The following CASZ1 variants were observed in gnomAD, a reference collection of about 807,000 sequenced individuals.
The protein encoded by CASZ1 is castor zinc finger 1, also known as zinc finger protein castor homolog 1.
A neutral mutation model predicts 135.2 loss-of-function variants in CASZ1; 28 were observed. That is an observed-to-expected ratio of 0.21 (90% confidence interval 0.15 to 0.28). The LOEUF is 0.28. Ranked by LOEUF, CASZ1 falls within the 10% of genes least tolerant of loss-of-function variation. The probability of loss-of-function intolerance (pLI) is 1.00; values close to 1 mark genes in which losing one functional copy is unlikely to be tolerated. For missense variants in CASZ1, 2,161 were observed against 2,453.3 expected (o/e 0.88, Z 2.52); for synonymous variants, 1,068 against 1,073.4 (o/e 0.99, Z 0.10).
chr1:10,729,069 C>T lies in CASZ1; in HGVS notation c.-76-23525G>A, dbSNP rs576588187. 2.7e-3 allele frequency among the ~76,000 whole-genome samples: 265 copies of T among 99,270 alleles called. 1 individual carries two copies. The Middle Eastern group carries it at 0.028, about 10-fold the overall frequency. 65.1% of individuals were successfully genotyped at this position (99,270 alleles called of 152,430 possible). A position where few individuals can be genotyped will look rare whatever the true frequency, so the allele number is the denominator to read the frequency against. On this transcript the variant is annotated intron_variant, in intron 2 of 20. Transcript: ENST00000377022. ...GGACAGGCTGCCATGCTGGGGGAGG[C>T]GGTTGGGAGGCAGCTGGGGGAAGGG...
In CASZ1 at chr1:10,649,358, G is replaced by A. The variant is rs759141198; in HGVS notation, c.2960C>T (p.Ser987Leu). 2.1e-5 allele frequency: 34 copies of A among 1,603,630 alleles called. No homozygotes were observed. Among genetic ancestry groups the A allele is most frequent in the Non-Finnish European group, 2.2e-5 (26 of 1,175,620 alleles). ...CTTCACGGCCTTGCCTAGGAAGGGC[G>A]AGGGCTCCGCAGCGGGGCTCCCCTC... ...EAEGSPAAEP[S>L]PFLGKAVKAL... Residue 987 changes from serine to leucine, a missense_variant, in exon 14 of 21, where the codon TCG becomes TTG. Physicochemically the swap from Ser to Leu is moderately radical, Grantham distance 145 (BLOSUM62 -2). Coordinates refer to ENST00000377022, the MANE Select transcript of CASZ1 (RefSeq NM_001079843.3).
rs74052160 is a variant in CASZ1, at chr1:10,659,592, G to C, written c.1340+110C>G. 4,868 of 812,540 alleles carry C rather than the reference G, an allele frequency of 6.0e-3. 155 individuals are homozygous for C. The African/African-American group carries it at 0.072, about 12-fold the overall frequency. 50.3% of individuals were successfully genotyped at this position (812,540 alleles called of 1,614,324 possible). ...CTGGATGCACAGTGGATGTGTATAA[G>C]GTGTGAGCGGCAGGTGTGTCCTCAA... On this transcript the variant is annotated intron_variant, in intron 6 of 20. Transcript: ENST00000377022.
At chr1:10,782,826 T>C (rs537321490) in intron 1 of CASZ1, among the ~76,000 whole-genome samples, 17 of 152,256 alleles carry the variant, frequency 1.1e-4, no homozygotes, top group Admixed American at 3.9e-4. Context: ...CTGCTGATAG[T>C]GTGTGATACG....
At chr1:10,656,517 GC>G in intron 8 of CASZ1, 128 bp downstream of exon 8, 1 of 694,364 alleles carries the variant, frequency 1.4e-6, no homozygotes, top group South Asian at 1.7e-5. Context: ...CCCTCTACCT[GC>G]TCAAGTCAAG....
At chr1:10,686,308 C>A (rs546867541) in intron 4 of CASZ1, among the ~76,000 whole-genome samples, 103 of 152,360 alleles carry the variant, frequency 6.8e-4, no homozygotes, top group Non-Finnish European at 1.2e-3. Flanking sequence ...AAAAAAAATT[C>A]TAGAGCTCAA....
chr1:10,755,362 T>A lies in CASZ1; in HGVS notation c.-77+5339A>T, dbSNP rs1338627454. On this transcript the variant is annotated intron_variant, in intron 2 of 20. Transcript: ENST00000377022. The surrounding 1 kb of genome is among the most constrained non-coding windows in gnomAD (Gnocchi z 4.3). Reference sequence around the variant, plus strand: ...CAGTCAGGACTCCGGGACTCCTCCATGTGTGAGACCTGACGTCGCCTCTCC... The same window carrying A: ...CAGTCAGGACTCCGGGACTCCTCCAAGTGTGAGACCTGACGTCGCCTCTCC... Among the ~76,000 whole-genome samples the A allele has an allele frequency of 1.3e-5, 2 of 152,170 alleles. No homozygotes were observed. Among genetic ancestry groups the A allele is most frequent in the Non-Finnish European group, 2.9e-5 (2 of 68,014 alleles).
intron 1 of CASZ1, among the ~76,000 whole-genome samples, chr1:10,789,265 C>T (rs1640911878): frequency 6.6e-6 from 1 of 151,488 alleles, no homozygotes; most frequent in East Asian, 2.0e-4. Flanking sequence ...CAACCCATCC[C>T]ACCTGGGACA....
chr1:10,640,210 T>G, intron 20 of CASZ1, 151 bp from the exon 21 acceptor site: 2 of 1,111,376 alleles, frequency 1.8e-6, no homozygotes, highest in Non-Finnish European at 2.5e-6. Flanking sequence ...AGGCCTCTCC[T>G]GCCCCGCCCC....
chr1:10,772,959 G>A (rs1486722229), intron 1 of CASZ1, among the ~76,000 whole-genome samples: 1 of 152,118 alleles, frequency 6.6e-6, no homozygotes, highest in Non-Finnish European at 1.5e-5. Context: ...GGAGGATGGG[G>A]GCTCCCGAAG....
rs1642114924 is a variant in CASZ1, at chr1:10,639,307, G to A, written c.4915C>T (p.Leu1639=). 2 of 1,413,692 alleles carry A rather than the reference G, an allele frequency of 1.4e-6. No homozygotes were observed. The highest frequency in any genetic ancestry group is 1.8e-6 in the Non-Finnish European group (2 of 1,091,800). The allele number at this position is 1,413,692 out of a possible 1,614,324, so 87.6% of individuals were successfully genotyped here. Reference sequence around the variant, plus strand: ...CCCGCGTCGCCCAGCGCCAGGCCCAGGCCGGCGGCCGCCGACTGCAGGAAG... The same window carrying A: ...CCCGCGTCGCCCAGCGCCAGGCCCAAGCCGGCGGCCGCCGACTGCAGGAAG... The part of the protein sequence containing the change: ...LLFLQSAAAG[L]GLALGDAGDP... Residue 1639 remains leucine, a synonymous_variant, in exon 21 of 21, where the codon CTG becomes TTG. Coordinates refer to ENST00000377022, the MANE Select transcript of CASZ1 (RefSeq NM_001079843.3). This position sits in a 1 kb window ranked among gnomAD's most constrained non-coding sequence, Gnocchi z 4.0.
Position 10,717,908 on chromosome 1 carries a change from C to A in CASZ1, c.-76-12364G>T, listed in dbSNP as rs1386604394. Among the ~76,000 whole-genome samples, 1 of 152,266 alleles carries A rather than the reference C, an allele frequency of 6.6e-6. No homozygotes were observed. The highest frequency in any genetic ancestry group is 1.9e-4 in the East Asian group (1 of 5,200). ...CGGGCAGGCTGGTGGGCCTTTAAGG[C>A]TGTGCAGCCGCTGCGAGCACGCCTG... On this transcript the variant is annotated intron_variant, in intron 2 of 20. Transcript: ENST00000377022. This position sits in a 1 kb window ranked among gnomAD's most constrained non-coding sequence, Gnocchi z 4.6.
intron 4 of CASZ1, among the ~76,000 whole-genome samples, chr1:10,674,236 C>A (rs578201537): frequency 6.6e-6 from 1 of 152,250 alleles, no homozygotes; most frequent in Non-Finnish European, 1.5e-5. Flanking sequence ...CTGACTTCCC[C>A]GGAGATGGGA....
intron 1 of CASZ1, among the ~76,000 whole-genome samples, chr1:10,791,224 A>G (rs1449108317): frequency 2.0e-5 from 3 of 152,218 alleles, no homozygotes; most frequent in African/African-American, 7.2e-5. Flanking sequence ...ACTTCTGGAA[A>G]TATTAACCAG....
chr1:10,700,890 G>A lies in CASZ1; in HGVS notation c.-24+4602C>T, dbSNP rs909758188. 7.2e-5 allele frequency among the ~76,000 whole-genome samples: 11 copies of A among 152,240 alleles called. No individual in the cohort carries two copies. In the East Asian group the frequency reaches 1.2e-3, roughly 16 times the overall value. ...ACTGAATTGTACATTTTAAAAAGGT[G>A]AATTTTATGGTATATGAATGATATC... On this transcript the variant is annotated intron_variant, in intron 3 of 20. Transcript: ENST00000377022. This position sits in a 1 kb window ranked among gnomAD's most constrained non-coding sequence, Gnocchi z 4.2.
rs1638628757 is a variant in CASZ1, at chr1:10,687,409, G to GA, written c.16+6464dup. On this transcript the variant is annotated intron_variant, in intron 4 of 20. Transcript: ENST00000377022. Reference sequence around the variant, plus strand: ...GTGATTACAGCACCAGCAGGGCCCAGAAGGGCCAGAGGAGACCCCAGAGTC... The same window carrying GA: ...GTGATTACAGCACCAGCAGGGCCCAGAAAGGGCCAGAGGAGACCCCAGAGTC... 1.3e-5 allele frequency among the ~76,000 whole-genome samples: 2 copies of GA among 152,216 alleles called. 1 individual carries two copies. Among genetic ancestry groups the GA allele is most frequent in the Non-Finnish European group, 2.9e-5 (2 of 68,036 alleles).
rs1452928770 is a variant in CASZ1 at position 10,638,484 on chromosome 1, G to A, written c.*458C>T. 6.6e-6 allele frequency: 1 copy of A among 152,014 alleles called. No homozygotes were observed. Among genetic ancestry groups the A allele is most frequent in the East Asian group, 1.9e-4 (1 of 5,138 alleles). The allele number at this position is 152,014 out of a possible 1,614,324, so 9.4% of individuals were successfully genotyped here. On this transcript the variant is annotated 3_prime_UTR_variant, in exon 21 of 21. Coordinates refer to ENST00000377022, the MANE Select transcript of CASZ1 (RefSeq NM_001079843.3). The surrounding 1 kb of genome is among the most constrained non-coding windows in gnomAD (Gnocchi z 5.9). The stretch of plus-strand genomic sequence containing the variant: ...CTTCTGCCCGTCTCCCCCTGGGCAG[G>A]GGGGAGGATCCTAGCTGCATGAGGG...
chr1:10,778,698 G>C (rs1228556843), intron 1 of CASZ1, among the ~76,000 whole-genome samples: 2 of 152,154 alleles, frequency 1.3e-5, no homozygotes, highest in East Asian at 1.9e-4. Context: ...CTGTTCCCAG[G>C]CAAACGTGTC....
rs983426958 is a variant in CASZ1, at chr1:10,653,666, G to T, written c.2391C>A (p.Thr797=). 1.3e-6 allele frequency: 2 copies of T among 1,557,780 alleles called. No homozygotes were observed. Among genetic ancestry groups the T allele is most frequent in the Non-Finnish European group, 1.7e-6 (2 of 1,152,220 alleles). The change falls in exon 11 of 21, where the codon ACC becomes ACA. Residue 797 remains threonine, a synonymous_variant. Transcript: ENST00000377022. ...CCAGTATGGGGAAGTAGGGCGTGGG[G>T]GTGGGCAGGCCCGAGTTGGAGAGGG... is the stretch of plus-strand genomic sequence containing the variant. ...ALALSNSGLP[T]PTPYFPILAG...
intron 11 of CASZ1, chr1:10,651,874 GAGA>G (rs372251287): frequency 1.6e-4 from 25 of 152,236 alleles, no homozygotes; most frequent in African/African-American, 5.5e-4. Flanking sequence ...TTTCTTTTGG[GAGA>G]AGGAGACTTT....
Sources: gnomAD v4.1 joint callset for allele counts (sites outside exome capture counted in the v4.1 genomes callset) on GRCh38, gnomAD v4.1.1 for gene constraint, Gnocchi (gnomAD v3.1) non-coding constraint, MANE v1.5 for transcripts, NCBI Gene and HGNC (gene_info 2026-07-23, HGNC 2026-07-21) for gene names.